Variants in TFB2M observed in about 807,000 individuals in gnomAD.
TFB2M encodes dimethyladenosine transferase 2, mitochondrial.
TFB2M carries 44 observed loss-of-function variants against 41.3 expected under a neutral mutation model. That is an observed-to-expected ratio of 1.07 (90% confidence interval 0.84 to 1.37). TFB2M has a LOEUF of 1.37. TFB2M is among the 40% of genes most tolerant of loss of function. The pLI is 0.00. For synonymous variants in TFB2M, 188 were observed against 176.8 expected (o/e 1.06, Z -0.50); for missense variants, 496 against 490.2 (o/e 1.01, Z -0.11).
intron 3 of TFB2M, among the ~76,000 whole-genome samples, 198 bp downstream of exon 3, chr1:246,557,183 G>A (rs779805296): frequency 3.9e-5 from 6 of 152,108 alleles, no homozygotes; most frequent in Admixed American, 2.0e-4. Flanking sequence ...GCTGAAGCAG[G>A]AGAATCACAT....
At chr1:246,550,636 C>T (rs972460796) in intron 5 of TFB2M, among the ~76,000 whole-genome samples, 1 of 152,166 alleles carries the variant, frequency 6.6e-6, no homozygotes, top group Non-Finnish European at 1.5e-5. Context: ...GTAATCCCAG[C>T]ACTTTAAGAG....
intron 2 of TFB2M, among the ~76,000 whole-genome samples, chr1:246,563,295 T>C (rs764062534): frequency 9.9e-5 from 15 of 151,772 alleles, no homozygotes; most frequent in Non-Finnish European, 2.1e-4. Context: ...TGATGGCTTA[T>C]CAGAAGCATA....
At chr1:246,549,243 C>T (rs1043845254) in intron 5 of TFB2M, among the ~76,000 whole-genome samples, 3 of 151,702 alleles carry the variant, frequency 2.0e-5, no homozygotes, top group African/African-American at 2.4e-5. Context: ...CACTATTTTT[C>T]GGTATCTATC....
At chr1:246,541,927 G>T (rs1044711176) in intron 7 of TFB2M, among the ~76,000 whole-genome samples, 1 of 152,178 alleles carries the variant, frequency 6.6e-6, no homozygotes, top group African/African-American at 2.4e-5. Flanking sequence ...AATGATGGAG[G>T]TATGTCCTGA....
At chr1:246,544,046 T>C (rs1472200067) in intron 7 of TFB2M, among the ~76,000 whole-genome samples, 1 of 152,192 alleles carries the variant, frequency 6.6e-6, no homozygotes, top group Non-Finnish European at 1.5e-5. Flanking sequence ...GTAGTGTTAC[T>C]TACAAGCTAT....
intron 2 of TFB2M, among the ~76,000 whole-genome samples, chr1:246,562,397 T>C (rs1659479246): frequency 1.3e-5 from 2 of 152,208 alleles, no homozygotes; most frequent in African/African-American, 2.4e-5. Context: ...AAAATCTATT[T>C]GGATGATGCC....
chr1:246,565,701 A>T, intron 1 of TFB2M, 125 bp downstream of exon 1: 1 of 1,082,428 alleles, frequency 9.2e-7, no homozygotes, highest in Non-Finnish European at 1.3e-6. Context: ...ACACAGCGAG[A>T]CTCCGTCTCA....
At chr1:246,544,469 A>G (rs1658944106) in intron 7 of TFB2M, 52 bp downstream of exon 7, 2 of 1,477,380 alleles carry the variant, frequency 1.4e-6, no homozygotes, top group Admixed American at 4.7e-5. Context: ...GCATGAAAGA[A>G]TAATTTGTGC....
In TFB2M at chr1:246,556,735, A is replaced by G; in HGVS notation, c.557-14T>C. On this transcript the variant is annotated splice_polypyrimidine_tract_variant and intron_variant, in intron 3 of 7. Transcript: ENST00000366514. ...TTAAAGGGATGTCTGTTAGGAATAT[A>G]AGCAAAAAGATTTGAATAAAGTTCT... 1 of 1,540,952 alleles carries G rather than the reference A, an allele frequency of 6.5e-7. No individual in the cohort carries two copies. The highest frequency in any genetic ancestry group is 8.7e-7 in the Non-Finnish European group (1 of 1,155,682).
rs575651146 is a variant in TFB2M at position 246,564,452 on chromosome 1, C to A, written c.314-18G>T. ...TCCAGGACCTGGCACATTAACAGAA[C>A]GAAAAGTTTATTTGTACAAGAAACA... On this transcript the variant is annotated intron_variant, in intron 1 of 7. Transcript: ENST00000366514. 8.8e-5 allele frequency: 142 copies of A among 1,608,952 alleles called. 2 individuals carry two copies. The South Asian group carries it at 1.5e-3, about 16-fold the overall frequency.
rs112512536 is a variant in TFB2M, at chr1:246,545,011, T to C, written c.859-330A>G. Among the ~76,000 whole-genome samples, 567 of 151,632 alleles carry C rather than the reference T, an allele frequency of 3.7e-3. 2 individuals are homozygous for C. The highest frequency in any genetic ancestry group is 6.8e-3 in the Middle Eastern group (2 of 292). On this transcript the variant is annotated intron_variant, in intron 6 of 7. Coordinates refer to ENST00000366514, the MANE Select transcript of TFB2M (RefSeq NM_022366.3). ...TAGTAGAGATGGGGTTTCACCGTGT[T>C]AGCCAGGATGGTCTCGATCTCCTGA...
chr1:246,542,246 T>C (rs969234075), intron 7 of TFB2M, among the ~76,000 whole-genome samples: 2 of 150,220 alleles, frequency 1.3e-5, no homozygotes, highest in African/African-American at 4.9e-5. Context: ...GTATTATATA[T>C]ATAAGGTATA....
chr1:246,557,964 C>T (rs375880852), intron 2 of TFB2M, among the ~76,000 whole-genome samples: 110 of 152,140 alleles, frequency 7.2e-4, no homozygotes, highest in African/African-American at 2.6e-3. Context: ...CCACCACGCC[C>T]GGCTGAATTA....
rs14373 is a variant in TFB2M at position 246,540,837 on chromosome 1, C to T, written c.*194G>A. On this transcript the variant is annotated 3_prime_UTR_variant, in exon 8 of 8. Transcript: ENST00000366514. ...AATTAATTGAAGTTTTCATTTTATTCAATTGTGAATAAAATAGCAGACACT... is the reference window on the plus strand; with the variant it reads ...AATTAATTGAAGTTTTCATTTTATTTAATTGTGAATAAAATAGCAGACACT... The T allele has an allele frequency of 0.028, 13,336 of 470,288 alleles. 225 individuals carry two copies. The highest frequency in any genetic ancestry group is 0.048 in the Middle Eastern group (85 of 1,772). 29.1% of individuals were successfully genotyped at this position (470,288 alleles called of 1,614,324 possible). A position where few individuals can be genotyped will look rare whatever the true frequency, so the allele number is the denominator to read the frequency against.
At chr1:246,550,719 C>T (rs1392327851) in intron 5 of TFB2M, among the ~76,000 whole-genome samples, 2 of 152,144 alleles carry the variant, frequency 1.3e-5, no homozygotes, top group Admixed American at 1.3e-4. Flanking sequence ...CCTGTCTCTA[C>T]CGAAAATACA....
At chr1:246,544,033 C>T (rs1192683105) in intron 7 of TFB2M, among the ~76,000 whole-genome samples, 3 of 152,052 alleles carry the variant, frequency 2.0e-5, no homozygotes, top group African/African-American at 7.2e-5. Flanking sequence ...AGACATAAAG[C>T]AAGTAGTGTT....
At chr1:246,565,106 T>C in intron 1 of TFB2M, among the ~76,000 whole-genome samples, 1 of 152,230 alleles carries the variant, frequency 6.6e-6, no homozygotes, top group East Asian at 1.9e-4. Flanking sequence ...AAAGAGATTG[T>C]CAAGCCTAAA....
intron 7 of TFB2M, among the ~76,000 whole-genome samples, chr1:246,542,842 T>C (rs563190845): frequency 1.3e-5 from 2 of 151,856 alleles, no homozygotes; most frequent in Admixed American, 1.3e-4. Flanking sequence ...GGTGGCAAGA[T>C]GAAAAATAAT....
chr1:246,563,236 G>A (rs1280751230), intron 2 of TFB2M, among the ~76,000 whole-genome samples: 1 of 145,998 alleles, frequency 6.8e-6, no homozygotes, highest in African/African-American at 2.6e-5. Context: ...CTAATGGTAT[G>A]TCATTTTTTC....
Sources: gnomAD v4.1 joint callset for allele counts (sites outside exome capture counted in the v4.1 genomes callset) on GRCh38, gnomAD v4.1.1 for gene constraint, MANE v1.5 for transcripts, NCBI Gene and HGNC (gene_info 2026-07-23, HGNC 2026-07-21) for gene names.